The following GCDH variants were observed in gnomAD, a reference collection of about 807,000 sequenced individuals.
GCDH encodes glutaryl-CoA dehydrogenase.
Under a neutral mutation model 52.8 loss-of-function variants are expected in GCDH, and 31 were observed. That is an observed-to-expected ratio of 0.59 (90% CI 0.44 to 0.79). The LOEUF (loss-of-function observed/expected upper bound fraction) is 0.79. Among genes scored for constraint, GCDH ranks in the 30% least tolerant of loss-of-function variants. The pLI is 0.00. For missense variants in GCDH, 509 were observed against 595.0 expected (o/e 0.86, Z 1.50); for synonymous variants, 242 against 250.0 (o/e 0.97, Z 0.30).
chr19:12,891,933 A>T lies in GCDH; in HGVS notation c.230A>T (p.Glu77Val). Reference sequence around the variant, plus strand: ...GACACCTTCCGCACCTACTGCCAGGAGAGACTCATGCCTCGCATCCTGTTG... The same window carrying T: ...GACACCTTCCGCACCTACTGCCAGGTGAGACTCATGCCTCGCATCCTGTTG... ...IRDTFRTYCQ[E>V]RLMPRILLAN... Residue 77 changes from glutamate to valine, a missense_variant, in exon 4 of 12, where the codon GAG becomes GTG. Coordinates refer to ENST00000222214, the MANE Select transcript of GCDH (RefSeq NM_000159.4). 6.2e-7 allele frequency: 1 copy of T among 1,614,192 alleles called. No individual in the cohort carries two copies. The highest frequency in any genetic ancestry group is 1.3e-5 in the African/African-American group (1 of 75,058).
At chr19:12,892,394 C>T (rs1251581756) in intron 5 of GCDH, 4 of 608,004 alleles carry the variant, frequency 6.6e-6, no homozygotes, top group Non-Finnish European at 1.2e-5. Context: ...CAGGCTCAAG[C>T]GATTCTCCTG....
In GCDH at chr19:12,897,431, A is replaced by AGG. The variant is rs1458944447; in HGVS notation, c.1082+6_1082+7dup. 1 of 1,492,530 alleles carries AGG rather than the reference A, an allele frequency of 6.7e-7. No individual in the cohort carries two copies. Among genetic ancestry groups the AGG allele is most frequent in the South Asian group, 1.1e-5 (1 of 88,746 alleles). 92.5% of individuals were successfully genotyped at this position (1,492,530 alleles called of 1,614,324 possible). On this transcript the variant is annotated splice_donor_region_variant and intron_variant, in intron 10 of 11. Coordinates refer to ENST00000222214, the MANE Select transcript of GCDH (RefSeq NM_000159.4). ...GGCCGCTTGAAGGACCAGGACAAGTAGGGGCTGTGTGGTGGGGGCGGGGGG... is the reference window on the plus strand; with the variant it reads ...GGCCGCTTGAAGGACCAGGACAAGTAGGGGGGCTGTGTGGTGGGGGCGGGGGG...
In GCDH at chr19:12,896,483, AGGCTCCGTGCTGGGGACGC is replaced by A; in HGVS notation, c.852+69_852+87del. 1 of 1,288,260 alleles carries A rather than the reference AGGCTCCGTGCTGGGGACGC, an allele frequency of 7.8e-7. No homozygotes were observed. Among genetic ancestry groups the A allele is most frequent in the Non-Finnish European group, 1.1e-6 (1 of 905,282 alleles). The allele number at this position is 1,288,260 out of a possible 1,614,324, so 79.8% of individuals were successfully genotyped here. On this transcript the variant is annotated intron_variant, in intron 8 of 11. Coordinates refer to ENST00000222214, the MANE Select transcript of GCDH (RefSeq NM_000159.4). The surrounding 1 kb of genome is among the most constrained non-coding windows in gnomAD (Gnocchi z 5.5). Reference sequence around the variant, plus strand: ...ACCTGCGGATGCGGCTTTGTCAGGCAGGCTCCGTGCTGGGGACGCGGCTCCCTGTGCCTGTGGAGCCCAC... The same window carrying A: ...ACCTGCGGATGCGGCTTTGTCAGGCAGGCTCCCTGTGCCTGTGGAGCCCAC...
Position 12,896,817 on chromosome 19 carries a change from T to C in GCDH, c.853-93T>C. The C allele has an allele frequency of 1.2e-6, 1 of 865,422 alleles. No homozygotes were observed. Among genetic ancestry groups the C allele is most frequent in the Non-Finnish European group, 1.9e-6 (1 of 518,578 alleles). The allele number at this position is 865,422 out of a possible 1,614,324, so 53.6% of individuals were successfully genotyped here. ...CCTGAGTCCCCCTGCGTGGGGTGGCTGGGGAGGAGGCTTTCCCTGCTTCAG... is the reference window on the plus strand; with the variant it reads ...CCTGAGTCCCCCTGCGTGGGGTGGCCGGGGAGGAGGCTTTCCCTGCTTCAG... On this transcript the variant is annotated intron_variant, in intron 8 of 11. Coordinates refer to ENST00000222214, the MANE Select transcript of GCDH (RefSeq NM_000159.4). This position sits in a 1 kb window ranked among gnomAD's most constrained non-coding sequence, Gnocchi z 5.5.
At position 12,897,577 on chromosome 19, in the gene GCDH, A is replaced by G. The variant is rs780138137; in HGVS notation, c.1083-126A>G. On this transcript the variant is annotated intron_variant, in intron 10 of 11. Transcript: ENST00000222214. The stretch of plus-strand genomic sequence containing the variant: ...TTGTCCTTGATGGGCTGGGCTGAGG[A>G]CAGCCCCACTGGTCCCTCATTGGGA... 112 of 1,414,914 alleles carry G rather than the reference A, an allele frequency of 7.9e-5. 2 individuals are homozygous for G. The Middle Eastern group carries it at 1.4e-3, about 18-fold the overall frequency. 87.6% of individuals were successfully genotyped at this position (1,414,914 alleles called of 1,614,324 possible).
chr19:12,891,562 T>C, intron 3 of GCDH, 40 bp downstream of exon 3: 2 of 1,614,114 alleles, frequency 1.2e-6, no homozygotes, highest in East Asian at 4.5e-5. Context: ...GCTGCCCCTG[T>C]TCAGCTGTCT....
rs1408565185 is a variant in GCDH, at chr19:12,893,568, G to T, written c.420G>T (p.Ala140=). The T allele has an allele frequency of 1.2e-6, 2 of 1,613,834 alleles. No homozygotes were observed. The highest frequency in any genetic ancestry group is 1.7e-6 in the Non-Finnish European group (2 of 1,179,888). The change falls in exon 6 of 12, where the codon GCG becomes GCT. Residue 140 remains alanine (A), a synonymous_variant. Transcript: ENST00000222214. ...GGGTGGACAGTGGCTACAGGTCGGC[G>T]ATGAGTGTCCAGTCCTCCCTCGTCA... ...LERVDSGYRS[A]MSVQSSLVMH... is the part of the protein sequence containing the mutation.
chr19:12,897,512 G>A, intron 10 of GCDH, 84 bp downstream of exon 10: 2 of 1,543,460 alleles, frequency 1.3e-6, no homozygotes, highest in Non-Finnish European at 1.8e-6. Context: ...GGTCCTTCCT[G>A]CCTGGTGGCC....
intron 6 of GCDH, chr19:12,893,987 GC>G: frequency 1.7e-6 from 1 of 581,784 alleles, no homozygotes; most frequent in South Asian, 2.0e-5. Context: ...GATCCCTTGA[GC>G]CCAAGAGTTC....
Position 12,896,376 on chromosome 19 carries a change from G to A in GCDH, c.807G>A (p.Val269=), listed in dbSNP as rs1318620764. The A allele has an allele frequency of 6.2e-7, 1 of 1,614,090 alleles. No homozygotes were observed. The highest frequency in any genetic ancestry group is 2.2e-5 in the East Asian group (1 of 44,870). ...SATGMIIMDG[V]EVPEENVLPG... ...CAGGCATGATCATCATGGACGGTGT[G>A]GAGGTGCCAGAGGAGAATGTGCTCC... Residue 269 remains valine (V), a synonymous_variant, in exon 8 of 12, where the codon GTG becomes GTA. Transcript: ENST00000222214. The surrounding 1 kb of genome is among the most constrained non-coding windows in gnomAD (Gnocchi z 5.5).
chr19:12,894,090 G>C (rs1970618446), intron 6 of GCDH: 2 of 837,334 alleles, frequency 2.4e-6, no homozygotes, highest in Non-Finnish European at 1.9e-6. Flanking sequence ...AGTGGACGTT[G>C]GCCCTCTTCC....
chr19:12,897,703 G>A lies in GCDH; in HGVS notation c.1083G>A (p.Lys361=), dbSNP rs892362015. 14 of 1,613,972 alleles carry A rather than the reference G, an allele frequency of 8.7e-6. No homozygotes were observed. Among genetic ancestry groups the A allele is most frequent in the Non-Finnish European group, 1.1e-5 (13 of 1,180,024 alleles). ...LQLGRLKDQD[K]AAPEMVSLLK... is the part of the protein sequence containing the mutation. The stretch of plus-strand genomic sequence containing the variant: ...TGTTACCCTCATGTGCCACTCCCAG[G>A]GCTGCCCCCGAGATGGTTTCTCTGC... The change falls in exon 11 of 12, where the codon AAG becomes AAA. Residue 361 remains lysine, a splice_region_variant and synonymous_variant. Coordinates refer to ENST00000222214, the MANE Select transcript of GCDH (RefSeq NM_000159.4).
At position 12,891,346 on chromosome 19, in the gene GCDH, A is replaced by T. The variant is rs891920390; in HGVS notation, c.42A>T (p.Gly14=). The T allele has an allele frequency of 1.2e-6, 2 of 1,612,702 alleles. No homozygotes were observed. The highest frequency in any genetic ancestry group is 1.7e-6 in the Non-Finnish European group (2 of 1,179,984). The change falls in exon 2 of 12, where the codon GGA becomes GGT. Residue 14 remains glycine (G), a synonymous_variant. Coordinates refer to ENST00000222214, the MANE Select transcript of GCDH (RefSeq NM_000159.4). ...TCTCCGTGCGGCTGCTGAGCCGCGGACCCGGCCTGCACGTCCTTCGCACGT... is the reference window on the plus strand; with the variant it reads ...TCTCCGTGCGGCTGCTGAGCCGCGGTCCCGGCCTGCACGTCCTTCGCACGT... The part of the protein sequence containing the change: ...RGVSVRLLSR[G]PGLHVLRTWV...
At chr19:12,898,050 C>T in intron 11 of GCDH, 187 bp downstream of exon 11, 1 of 628,478 alleles carries the variant, frequency 1.6e-6, no homozygotes, top group Non-Finnish European at 2.9e-6. Flanking sequence ...AAGTGAAGTG[C>T]TTCATGCAGC....
In GCDH at chr19:12,897,847, C is replaced by T. The variant is rs368251933; in HGVS notation, c.1227C>T (p.Ala409=). ...HVIRHAMNLE[A]VNTYEGTHDI... is the part of the protein sequence containing the mutation. ...TCCGGCACGCCATGAACCTGGAGGC[C>T]GTGAACACCTACGAAGGTAGGAGCT... The change falls in exon 11 of 12, where the codon GCC becomes GCT. Residue 409 remains alanine (A), a synonymous_variant. Coordinates refer to ENST00000222214, the MANE Select transcript of GCDH (RefSeq NM_000159.4). 2.0e-5 allele frequency: 32 copies of T among 1,613,798 alleles called. No homozygotes were observed. Among genetic ancestry groups the T allele is most frequent in the Middle Eastern group, 1.7e-4 (1 of 6,060 alleles).
At chr19:12,899,414 G>A (rs1343495292) in intron 11 of GCDH, 54 bp from the exon 12 acceptor site, 6 of 1,614,006 alleles carry the variant, frequency 3.7e-6, no homozygotes, top group Non-Finnish European at 5.1e-6. Context: ...TGATTTTAAA[G>A]GGAAGTTGTG....
At chr19:12,892,052 C>T (rs957703386) in intron 4 of GCDH, 64 bp from the exon 5 acceptor site, 48 of 1,612,608 alleles carry the variant, frequency 3.0e-5, no homozygotes, top group Non-Finnish European at 3.8e-5. Context: ...CCCCTCTGTC[C>T]TTGGGGCTGG....
At chr19:12,894,250 GCT>G (rs1261153057) in intron 6 of GCDH, 32 of 1,040,342 alleles carry the variant, frequency 3.1e-5, no homozygotes, top group Admixed American at 2.9e-4. Flanking sequence ...TGCTGTTGAC[GCT>G]CTGGGTGAAG....
chr19:12,892,529 T>A (rs1970585205), intron 5 of GCDH: 2 of 361,202 alleles, frequency 5.5e-6, no homozygotes, highest in South Asian at 5.2e-5. Context: ...TGACCTCAGG[T>A]GATCCGCCCA....
Sources: allele counts gnomAD v4.1 joint callset, GRCh38; gene constraint gnomAD v4.1.1; non-coding constraint Gnocchi (gnomAD v3.1); transcripts MANE v1.5; gene names NCBI Gene and HGNC (gene_info 2026-07-23, HGNC 2026-07-21).